EPHA1: variants seen among roughly 807,000 people sequenced by gnomAD.
EPHA1 encodes ephrin type-A receptor 1.
EPHA1 carries 92 observed loss-of-function variants against 110.1 expected under a neutral mutation model. The ratio of observed to expected loss-of-function variants is 0.84; its 90% confidence interval spans 0.71 to 0.99. EPHA1 has a LOEUF of 0.99. Among genes scored for constraint, EPHA1 ranks in the 50% least tolerant of loss-of-function variants. The pLI is 0.00. For synonymous variants in EPHA1, 500 were observed against 516.1 expected, an observed-to-expected ratio of 0.97 and a Z score of 0.42; for missense variants, 1,204 against 1,285.4, an observed-to-expected ratio of 0.94 and a Z score of 0.97.
Position 143,391,231 on chromosome 7 carries a change from C to A in EPHA1, c.*226G>T. On this transcript the variant is annotated 3_prime_UTR_variant, in exon 18 of 18. Coordinates refer to ENST00000275815, the MANE Select transcript of EPHA1 (RefSeq NM_005232.5). ...TGTGTATGTATGTATATATATTAAC[C>A]CCTCAGCTCCCTCCCATGATCATCC... 1.7e-6 allele frequency: 1 copy of A among 580,672 alleles called. No individual in the cohort carries two copies. Among genetic ancestry groups the A allele is most frequent in the Non-Finnish European group, 3.1e-6 (1 of 325,276 alleles). The allele number at this position is 580,672 out of a possible 1,614,324, so 36.0% of individuals were successfully genotyped here.
intron 16 of EPHA1, among the ~76,000 whole-genome samples, chr7:143,392,057 TG>T (rs1434335321): frequency 6.6e-6 from 1 of 152,204 alleles, no homozygotes; most frequent in African/African-American, 2.4e-5. Flanking sequence ...GGTCTCCTGC[TG>T]GAGTGGCCGG....
At position 143,399,245 on chromosome 7, in the gene EPHA1, C is replaced by A; in HGVS notation, c.991+13G>T. 1 of 1,609,912 alleles carries A rather than the reference C, an allele frequency of 6.2e-7. No individual in the cohort carries two copies. Among genetic ancestry groups the A allele is most frequent in the Non-Finnish European group, 8.5e-7 (1 of 1,178,924 alleles). ...CTCCCTCCAGATGGCCACGCCCCAC[C>A]CCCTGGACTCACCTGTGCATGCCAC... On this transcript the variant is annotated intron_variant, in intron 5 of 17. Transcript: ENST00000275815.
chr7:143,392,964 C>T (rs550345468), intron 16 of EPHA1, among the ~76,000 whole-genome samples: 13 of 152,110 alleles, frequency 8.5e-5, no homozygotes, highest in African/African-American at 2.9e-4. Flanking sequence ...AAAACAACAA[C>T]TCTGCACTCA....
At chr7:143,402,218 G>T (rs1447066372) in intron 2 of EPHA1, among the ~76,000 whole-genome samples, 1 of 151,738 alleles carries the variant, frequency 6.6e-6, no homozygotes. Flanking sequence ...CCCAGCCCAA[G>T]ATTTATTTTT....
chr7:143,392,457 A>G (rs1369762306), intron 16 of EPHA1, among the ~76,000 whole-genome samples: 1 of 152,164 alleles, frequency 6.6e-6, no homozygotes, highest in Non-Finnish European at 1.5e-5. Context: ...ACAAGGTTAT[A>G]TATGGTGGTT....
rs1402517869 is a variant in EPHA1 at position 143,395,708 on chromosome 7, ACT to A, written c.1898-206_1898-205del. 5.0e-6 allele frequency: 3 copies of A among 602,878 alleles called. No homozygotes were observed. The highest frequency in any genetic ancestry group is 1.9e-5 in the African/African-American group (1 of 53,862). 37.3% of individuals were successfully genotyped at this position (602,878 alleles called of 1,614,324 possible). A position where few individuals can be genotyped will look rare whatever the true frequency, so the allele number is the denominator to read the frequency against. On this transcript the variant is annotated intron_variant, in intron 11 of 17. Coordinates refer to ENST00000275815, the MANE Select transcript of EPHA1 (RefSeq NM_005232.5). The surrounding 1 kb of genome is among the most constrained non-coding windows in gnomAD (Gnocchi z 4.7). ...AGTGCAATGCCGTGACCTATTCACC[ACT>A]GTCTCCCAGTGTTTGCACAGTTCTT...
At chr7:143,398,166 A>C in intron 7 of EPHA1, 96 bp from the exon 8 acceptor site, 1 of 1,581,162 alleles carries the variant, frequency 6.3e-7, no homozygotes. Context: ...GCTGGAGAGC[A>C]GAATGGTTAG....
chr7:143,399,280 C>T lies in EPHA1; in HGVS notation c.969G>A (p.Glu323=). 2 of 1,611,824 alleles carry T rather than the reference C, an allele frequency of 1.2e-6. No individual in the cohort carries two copies. Among genetic ancestry groups the T allele is most frequent in the Non-Finnish European group, 1.7e-6 (2 of 1,179,808 alleles). Reference sequence around the variant, plus strand: ...CACCTGTGCATGCCACCTGGGGGCCCTCCCCGGGAGCTCTGTAATGGCCGC... The same window carrying T: ...CACCTGTGCATGCCACCTGGGGGCCTTCCCCGGGAGCTCTGTAATGGCCGC... ...CESGHYRAPG[E]GPQVACTGPP... is the part of the protein sequence containing the mutation. Residue 323 remains glutamate (E), a synonymous_variant, in exon 5 of 18, where the codon GAG becomes GAA. Transcript: ENST00000275815.
intron 8 of EPHA1, 82 bp from the exon 9 acceptor site, chr7:143,397,739 C>G: frequency 1.3e-6 from 2 of 1,549,084 alleles, no homozygotes; most frequent in Non-Finnish European, 1.8e-6. Flanking sequence ...GCCCTGGGTA[C>G]ACCTAGGGTC....
chr7:143,398,934 C>G lies in EPHA1; in HGVS notation c.1003G>C (p.Ala335Pro), dbSNP rs779818196. The G allele has an allele frequency of 2.0e-5, 32 of 1,603,324 alleles. No homozygotes were observed. The highest frequency in any genetic ancestry group is 1.8e-4 in the South Asian group (16 of 89,870). Residue 335 changes from alanine to proline, a missense_variant, in exon 6 of 18, where the codon GCC (alanine) becomes CCC (proline). Transcript: ENST00000275815. ...GCAGAGAAGCTCAGGTTTCGGGGGG[C>G]CGAGGGGGGACCTGTGGGAGAAGAG... ...PQVACTGPPSAPRNLSFSASG... is the reference protein window; with the variant it reads ...PQVACTGPPSPPRNLSFSASG...
chr7:143,397,523 C>A (rs1215023897), intron 9 of EPHA1, 38 bp downstream of exon 9: 1 of 1,611,476 alleles, frequency 6.2e-7, no homozygotes, highest in African/African-American at 1.3e-5. Flanking sequence ...GGCTTCTGAC[C>A]CAGGGCTGGT....
At chr7:143,394,443 A>T in intron 14 of EPHA1, 100 bp from the exon 15 acceptor site, 1 of 1,376,264 alleles carries the variant, frequency 7.3e-7, no homozygotes, top group South Asian at 1.5e-5. Context: ...TTTTTTTGAG[A>T]CAAAGTCTCG....
chr7:143,399,326 G>T lies in EPHA1; in HGVS notation c.923C>A (p.Ala308Asp). The change falls in exon 5 of 18, where the codon GCC becomes GAC. Residue 308 changes from alanine to aspartate, a missense_variant. By Grantham distance (126) the Ala-to-Asp change is moderately radical. Coordinates refer to ENST00000275815, the MANE Select transcript of EPHA1 (RefSeq NM_005232.5). ...GCCGCTCTCACAGGTACAGATGGTG[G>T]CCCCCTCAGACTCAGCAGTGCTCTG... ...PQQSTAESEG[A>D]TICTCESGHY... 1.9e-6 allele frequency: 3 copies of T among 1,612,546 alleles called. No homozygotes were observed. The highest frequency in any genetic ancestry group is 2.5e-6 in the Non-Finnish European group (3 of 1,179,844).
rs146374704 is a variant in EPHA1, at chr7:143,393,758, C to G, written c.2609G>C (p.Arg870Pro). ...TGCCTGAAGCTTCTGGAAGTGTGGC[C>G]GGCGGGCACGGTCATATGCCCAGCA... Reference protein sequence around the residue: ...KNCWAYDRARRPHFQKLQAHL... With the variant: ...KNCWAYDRARPPHFQKLQAHL... Residue 870 changes from arginine (R) to proline (P), a missense_variant, in exon 16 of 18, where the codon CGG becomes CCG. Coordinates refer to ENST00000275815, the MANE Select transcript of EPHA1 (RefSeq NM_005232.5). The surrounding 1 kb of genome is among the most constrained non-coding windows in gnomAD (Gnocchi z 5.6). 2 of 1,613,334 alleles carry G rather than the reference C, an allele frequency of 1.2e-6. No individual in the cohort carries two copies. Among genetic ancestry groups the G allele is most frequent in the South Asian group, 1.1e-5 (1 of 90,982 alleles).
intron 2 of EPHA1, among the ~76,000 whole-genome samples, chr7:143,402,712 C>T (rs754682066): frequency 6.6e-5 from 10 of 152,164 alleles, no homozygotes; most frequent in South Asian, 2.1e-4. Context: ...GCACTTTCCA[C>T]GAGGAAACTG....
In EPHA1 at chr7:143,395,676, G is replaced by A. The variant is rs1342347028; in HGVS notation, c.1898-172C>T. 3.0e-6 allele frequency: 2 copies of A among 667,766 alleles called. No homozygotes were observed. Among genetic ancestry groups the A allele is most frequent in the South Asian group, 1.9e-5 (1 of 51,348 alleles). The allele number at this position is 667,766 out of a possible 1,614,324, so 41.4% of individuals were successfully genotyped here. On this transcript the variant is annotated intron_variant, in intron 11 of 17. Coordinates refer to ENST00000275815, the MANE Select transcript of EPHA1 (RefSeq NM_005232.5). The surrounding 1 kb of genome is among the most constrained non-coding windows in gnomAD (Gnocchi z 4.7). ...CCTTCCTGGGGAAGGTCAGAGTCTGGAGCTGGAGTGCAATGCCGTGACCTA... is the reference window on the plus strand; with the variant it reads ...CCTTCCTGGGGAAGGTCAGAGTCTGAAGCTGGAGTGCAATGCCGTGACCTA...
chr7:143,401,441 G>C lies in EPHA1; in HGVS notation c.315C>G (p.Asp105Glu), dbSNP rs1805413410. The C allele has an allele frequency of 6.2e-7, 1 of 1,614,134 alleles. No individual in the cohort carries two copies. Among genetic ancestry groups the C allele is most frequent in the Non-Finnish European group, 8.5e-7 (1 of 1,180,048 alleles). Residue 105 changes from aspartate (D) to glutamate (E), a missense_variant, in exon 3 of 18, where the codon GAC (aspartate) becomes GAG (glutamate). Coordinates refer to ENST00000275815, the MANE Select transcript of EPHA1 (RefSeq NM_005232.5). This position sits in a 1 kb window ranked among gnomAD's most constrained non-coding sequence, Gnocchi z 4.1. ...CGGCTCCCCCAGGGAAACTCTTGCA[G>C]TCCCGCACGGTGAACTGCAGCTCCA... ...VHVELQFTVRDCKSFPGGAGP... is the reference protein window; with the variant it reads ...VHVELQFTVRECKSFPGGAGP...
rs1346434969 is a variant in EPHA1 at position 143,401,554 on chromosome 7, C to T, written c.202G>A (p.Asp68Asn). The T allele has an allele frequency of 2.5e-6, 4 of 1,614,038 alleles. No individual in the cohort carries two copies. Among genetic ancestry groups the T allele is most frequent in the Non-Finnish European group, 8.5e-7 (1 of 1,180,048 alleles). The change falls in exon 3 of 18, where the codon GAC becomes AAC. Residue 68 changes from aspartate to asparagine, a missense_variant. By Grantham distance (23) the Asp-to-Asn change is conservative. Coordinates refer to ENST00000275815, the MANE Select transcript of EPHA1 (RefSeq NM_005232.5). The surrounding 1 kb of genome is among the most constrained non-coding windows in gnomAD (Gnocchi z 4.1). ...TCTCTGCGTCCTTGCATTGGGCAGT[C>T]CTGGTACATGTACAGGGGTGTCCCA... ...LNGTPLYMYQ[D>N]CPMQGRRDTD... is the part of the protein sequence containing the mutation.
chr7:143,398,561 C>T, intron 6 of EPHA1, 40 bp downstream of exon 6: 1 of 1,606,996 alleles, frequency 6.2e-7, no homozygotes, highest in Non-Finnish European at 8.5e-7. Context: ...GCCCTTCTGT[C>T]TCCACCAGGT....
Sources: allele counts gnomAD v4.1 joint callset (sites outside exome capture counted in the v4.1 genomes callset), GRCh38; gene constraint gnomAD v4.1.1; non-coding constraint Gnocchi (gnomAD v3.1); transcripts MANE v1.5; gene names NCBI Gene and HGNC (gene_info 2026-07-23, HGNC 2026-07-21).